B3GNT2: variants seen among roughly 807,000 people sequenced by gnomAD.
B3GNT2 encodes N-acetyllactosaminide beta-1,3-N-acetylglucosaminyltransferase 2.
B3GNT2 carries 12 observed loss-of-function variants against 27.6 expected under a neutral mutation model. The observed-to-expected ratio is 0.44, with a 90% CI of 0.28 to 0.71. The LOEUF (loss-of-function observed/expected upper bound fraction) is 0.71. Ranked by LOEUF, B3GNT2 falls within the 30% of genes least tolerant of loss-of-function variation. The pLI is 0.17. For synonymous variants in B3GNT2, 192 were observed against 189.7 expected, an observed-to-expected ratio of 1.01 and a Z score of -0.10; for missense variants, 413 against 488.5, an observed-to-expected ratio of 0.85 and a Z score of 1.46.
chr2:62,203,242 TGTTTGGAAGAGGTG>T lies in B3GNT2; in HGVS notation c.-10+6889_-10+6902del, dbSNP rs574726555. ...ACAAGATTGAAATATGTATGTGTGT[TGTTTGGAAGAGGTG>T]GGTGAGAGAAAGACTCCTGGTGGGT... On this transcript the variant is annotated intron_variant, in intron 1 of 1. Transcript: ENST00000301998. Among the ~76,000 whole-genome samples, 686 of 152,150 alleles carry T rather than the reference TGTTTGGAAGAGGTG, an allele frequency of 4.5e-3. 5 individuals are homozygous for T. The highest frequency in any genetic ancestry group is 6.8e-3 in the Middle Eastern group (2 of 294).
intron 1 of B3GNT2, among the ~76,000 whole-genome samples, chr2:62,217,262 G>A (rs1005616108): frequency 1.3e-5 from 2 of 152,214 alleles, no homozygotes; most frequent in Non-Finnish European, 2.9e-5. Flanking sequence ...TTCCGTGATT[G>A]TGTGATGGTT....
intron 1 of B3GNT2, among the ~76,000 whole-genome samples, chr2:62,205,138 C>T (rs974757134): frequency 3.9e-5 from 6 of 152,164 alleles, no homozygotes; most frequent in Admixed American, 3.3e-4. Flanking sequence ...TATGTGATCA[C>T]CTATGGTATA....
chr2:62,211,660 C>T (rs548759218), intron 1 of B3GNT2, among the ~76,000 whole-genome samples: 28 of 152,200 alleles, frequency 1.8e-4, no homozygotes, highest in Admixed American at 2.6e-4. Context: ...ATTTGTGAAG[C>T]AGCCACAGCT....
At chr2:62,202,280 A>C (rs977122634) in intron 1 of B3GNT2, among the ~76,000 whole-genome samples, 1 of 152,214 alleles carries the variant, frequency 6.6e-6, no homozygotes, top group Non-Finnish European at 1.5e-5. Context: ...TTCTTAAGGA[A>C]GTGGCCTTTG....
Position 62,214,902 on chromosome 2 carries a change from A to C in B3GNT2, c.-9-7310A>C, listed in dbSNP as rs75898566. Among the ~76,000 whole-genome samples the C allele has an allele frequency of 3.9e-4, 59 of 152,198 alleles. No individual in the cohort carries two copies. The East Asian group carries it at 0.011, about 27-fold the overall frequency. Reference sequence around the variant, plus strand: ...GCTACCCTTATTTTTAAATTGCATAATCTTTCCACCTAGACCTAAAACCCT... The same window carrying C: ...GCTACCCTTATTTTTAAATTGCATACTCTTTCCACCTAGACCTAAAACCCT... On this transcript the variant is annotated intron_variant, in intron 1 of 1. Transcript: ENST00000301998.
intron 1 of B3GNT2, among the ~76,000 whole-genome samples, chr2:62,216,239 T>G (rs749881531): frequency 6.6e-5 from 10 of 152,080 alleles, no homozygotes; most frequent in Non-Finnish European, 1.2e-4. Context: ...GAGTGAAACG[T>G]TGGAATTGTT....
intron 1 of B3GNT2, among the ~76,000 whole-genome samples, chr2:62,203,181 G>C (rs926441328): frequency 6.6e-6 from 1 of 152,124 alleles, no homozygotes; most frequent in Non-Finnish European, 1.5e-5. Context: ...TCTTAGTAGA[G>C]GGGAAACTGA....
intron 1 of B3GNT2, among the ~76,000 whole-genome samples, chr2:62,221,572 T>G (rs920565215): frequency 2.6e-5 from 4 of 152,168 alleles, no homozygotes; most frequent in Non-Finnish European, 5.9e-5. Context: ...TTTGGGAGGC[T>G]GAGGTGGGAG....
At chr2:62,203,515 G>A (rs559785568) in intron 1 of B3GNT2, among the ~76,000 whole-genome samples, 1 of 152,100 alleles carries the variant, frequency 6.6e-6, no homozygotes, top group Non-Finnish European at 1.5e-5. Context: ...AACCCTGGGG[G>A]TTCCTGAGCT....
intron 1 of B3GNT2, among the ~76,000 whole-genome samples, chr2:62,204,887 G>A (rs1052633299): frequency 2.6e-5 from 4 of 152,156 alleles, no homozygotes; most frequent in Non-Finnish European, 5.9e-5. Flanking sequence ...AGCCACCAGC[G>A]GCTTCAGGGT....
intron 1 of B3GNT2, among the ~76,000 whole-genome samples, chr2:62,208,965 G>T (rs1051780521): frequency 9.2e-5 from 14 of 152,112 alleles, no homozygotes; most frequent in African/African-American, 2.4e-4. Context: ...GGGCAGTGGG[G>T]TGGGAGGAAG....
At chr2:62,210,472 A>G (rs1471717898) in intron 1 of B3GNT2, among the ~76,000 whole-genome samples, 1 of 151,440 alleles carries the variant, frequency 6.6e-6, no homozygotes, top group Non-Finnish European at 1.5e-5. Flanking sequence ...GGTAAAGATT[A>G]AAAAGGAGGA....
At chr2:62,205,587 T>C (rs746586354) in intron 1 of B3GNT2, among the ~76,000 whole-genome samples, 1 of 152,176 alleles carries the variant, frequency 6.6e-6, no homozygotes. Flanking sequence ...AGCAGGGAGC[T>C]GGTTTGCTTC....
At chr2:62,201,149 A>T (rs1305226286) in intron 1 of B3GNT2, among the ~76,000 whole-genome samples, 1 of 152,224 alleles carries the variant, frequency 6.6e-6, no homozygotes, top group Non-Finnish European at 1.5e-5. Flanking sequence ...GAGCTATTTC[A>T]TTAAAAGTTC....
chr2:62,220,326 C>A (rs1431410237), intron 1 of B3GNT2, among the ~76,000 whole-genome samples: 1 of 152,236 alleles, frequency 6.6e-6, no homozygotes, highest in Non-Finnish European at 1.5e-5. Context: ...TGTCCATAAT[C>A]TTTGCAAAGG....
At chr2:62,212,126 T>C (rs1674491838) in intron 1 of B3GNT2, among the ~76,000 whole-genome samples, 1 of 152,174 alleles carries the variant, frequency 6.6e-6, no homozygotes, top group African/African-American at 2.4e-5. Flanking sequence ...TTTAAATGTT[T>C]TTTCTTTGCC....
chr2:62,221,672 A>C (rs1674695332), intron 1 of B3GNT2, among the ~76,000 whole-genome samples: 1 of 152,216 alleles, frequency 6.6e-6, no homozygotes, highest in South Asian at 2.1e-4. Flanking sequence ...TTTTCAAATG[A>C]AATAGAAGAG....
Position 62,221,849 on chromosome 2 carries a change from C to T in B3GNT2, c.-9-363C>T, listed in dbSNP as rs76704632. 2.5e-3 allele frequency: 1,323 copies of T among 527,016 alleles called. 31 individuals carry two copies. The East Asian group carries it at 0.056, about 22-fold the overall frequency. The allele number at this position is 527,016 out of a possible 1,614,324, so 32.6% of individuals were successfully genotyped here. On this transcript the variant is annotated intron_variant, in intron 1 of 1. Coordinates refer to ENST00000301998, the MANE Select transcript of B3GNT2 (RefSeq NM_006577.6). ...TGCCATTGTAAGCAAGGAAGTTGAA[C>T]TCTCCTGAGGTTATTTAGTAATAGG...
At chr2:62,203,881 T>G (rs1262926004) in intron 1 of B3GNT2, among the ~76,000 whole-genome samples, 1 of 152,166 alleles carries the variant, frequency 6.6e-6, no homozygotes. Context: ...TAGCTCCTGT[T>G]TCCCACCTCC....
Sources: gnomAD v4.1 joint callset for allele counts (sites outside exome capture counted in the v4.1 genomes callset) on GRCh38, gnomAD v4.1.1 for gene constraint, MANE v1.5 for transcripts, NCBI Gene and HGNC (gene_info 2026-07-23, HGNC 2026-07-21) for gene names.